PPOX: variants seen among roughly 807,000 people sequenced by gnomAD.
The protein encoded by PPOX is protoporphyrinogen oxidase.
In PPOX, 23 loss-of-function variants were observed where a neutral mutation model predicts 54.1. That is an observed-to-expected ratio of 0.43 (90% CI 0.31 to 0.60). The LOEUF (loss-of-function observed/expected upper bound fraction) is 0.60, where lower values mean the gene tolerates loss of function less well. PPOX is among the 20% of genes least tolerant of loss of function. The probability of loss-of-function intolerance (pLI) is 0.13; values close to 1 mark genes in which losing one functional copy is unlikely to be tolerated. For synonymous variants in PPOX, 224 were observed against 236.1 expected (o/e 0.95, Z 0.47); for missense variants, 512 against 601.1 (o/e 0.85, Z 1.55).
downstream of PPOX, chr1:161,173,915 C>A: frequency 6.2e-7 from 1 of 1,614,196 alleles, no homozygotes; most frequent in Non-Finnish European, 8.5e-7. Context: ...GGGGGTCACA[C>A]ACATACAGAT....
chr1:161,176,340 C>T, intron 4 of PPOX: 1 of 538,502 alleles, frequency 1.9e-6, no homozygotes, highest in Non-Finnish European at 3.3e-6. Context: ...TCCTCACCCC[C>T]AAAAATGTTT....
chr1:161,177,073 C>T (rs566229605), downstream of PPOX: 26 of 1,535,412 alleles, frequency 1.7e-5, 1 homozygote, highest in South Asian at 2.6e-4. Context: ...CTACCTTTCC[C>T]CTCTTCTAGC....
Position 161,168,146 on chromosome 1 carries a change from C to T in PPOX, c.471+19C>T. 6.2e-7 allele frequency: 1 copy of T among 1,614,152 alleles called. No individual in the cohort carries two copies. The highest frequency in any genetic ancestry group is 8.5e-7 in the Non-Finnish European group (1 of 1,180,028). ...ACCTGAGGTGACACTTGCCCAGAGG[C>T]CCCAAACCTCTTCCCTCCTAAACCA... On this transcript the variant is annotated intron_variant, in intron 5 of 12. Transcript: ENST00000367999.
rs41270027 is a variant in PPOX at position 161,169,157 on chromosome 1, A to C, written c.781A>C (p.Ser261Arg). 170 of 1,614,130 alleles carry C rather than the reference A, an allele frequency of 1.1e-4. 3 individuals carry two copies. Among genetic ancestry groups the C allele is most frequent in the South Asian group, 5.8e-4 (53 of 91,090 alleles). The change falls in exon 7 of 13, where the codon AGC becomes CGC. Residue 261 changes from serine (S) to arginine (R), a missense_variant. By Grantham distance (110) the Ser-to-Arg change is moderately radical (BLOSUM62 -1). Transcript: ENST00000367999. ...VLRGQPVCGLSLQAEGRWKVS... is the reference protein window; with the variant it reads ...VLRGQPVCGLRLQAEGRWKVS... ...CAGAGGCCAGCCGGTCTGTGGGCTC[A>C]GCCTCCAGGCAGAAGGGCGCTGGAA...
At position 161,168,554 on chromosome 1, in the gene PPOX, A is replaced by C. The variant is rs1486467781; in HGVS notation, c.594A>C (p.Leu198Phe). The change falls in exon 6 of 13, where the codon TTA becomes TTC. Residue 198 changes from leucine to phenylalanine, a missense_variant. By Grantham distance (22) the Leu-to-Phe change is conservative. Transcript: ENST00000367999. ...FQAEQTHRSI[L>F]LGLLLGAGRT... ...CTGAGCAAACCCATCGTTCCATATT[A>C]CTGGGCCTGCTGCTGGGGGCAGGTG... is the stretch of plus-strand genomic sequence containing the variant. 8.1e-6 allele frequency: 13 copies of C among 1,613,906 alleles called. No homozygotes were observed. Among genetic ancestry groups the C allele is most frequent in the Non-Finnish European group, 1.1e-5 (13 of 1,180,008 alleles).
In PPOX at chr1:161,166,907, C is replaced by A; in HGVS notation, c.60C>A (p.His20Gln). The A allele has an allele frequency of 1.2e-6, 2 of 1,613,918 alleles. No homozygotes were observed. The highest frequency in any genetic ancestry group is 1.7e-6 in the Non-Finnish European group (2 of 1,180,032). ...GGISGLAASY[H>Q]LSRAPCPPKV... ...TCAGCGGCTTGGCCGCCAGTTACCACCTGAGCCGGGCCCCCTGCCCCCCTA... is the reference window on the plus strand; with the variant it reads ...TCAGCGGCTTGGCCGCCAGTTACCAACTGAGCCGGGCCCCCTGCCCCCCTA... Residue 20 changes from histidine (H) to glutamine (Q), a missense_variant, in exon 2 of 13, where the codon CAC becomes CAA. By Grantham distance (24) the His-to-Gln change is conservative. Coordinates refer to ENST00000367999, the MANE Select transcript of PPOX (RefSeq NM_001122764.3).
downstream of PPOX, chr1:161,171,737 G>A (rs1661499640): frequency 4.5e-6 from 7 of 1,547,634 alleles, no homozygotes; most frequent in South Asian, 7.1e-5. Context: ...ATCCCTCTGA[G>A]AACAGTGAGG....
intron 4 of PPOX, 112 bp downstream of exon 4, chr1:161,167,598 G>T (rs1391914506): frequency 7.8e-7 from 1 of 1,285,490 alleles, no homozygotes; most frequent in Admixed American, 3.1e-5. Context: ...ACGGAGTATC[G>T]CTCTCGCCCA....
chr1:161,169,618 A>G lies in PPOX; in HGVS notation c.808-42A>G, dbSNP rs1558032536. On this transcript the variant is annotated intron_variant, in intron 7 of 12. Coordinates refer to ENST00000367999, the MANE Select transcript of PPOX (RefSeq NM_001122764.3). ...CCAGAAGTCTCTTTTCACTCATCAAATTCTCATTTTCTGGGTCTCTCAAAT... is the reference window on the plus strand; with the variant it reads ...CCAGAAGTCTCTTTTCACTCATCAAGTTCTCATTTTCTGGGTCTCTCAAAT... 5 of 1,598,228 alleles carry G rather than the reference A, an allele frequency of 3.1e-6. No homozygotes were observed. In the East Asian group the frequency reaches 8.9e-5, roughly 29 times the overall value.
upstream of PPOX, chr1:161,166,336 T>G: frequency 9.6e-7 from 1 of 1,036,766 alleles, no homozygotes; most frequent in Non-Finnish European, 1.2e-6. Flanking sequence ...AGTTCAATGT[T>G]TTATTGGTGA....
chr1:161,176,854 G>T (rs777307454), exon 5 of PPOX: 1 of 1,535,752 alleles, frequency 6.5e-7, no homozygotes, highest in Non-Finnish European at 8.7e-7. Context: ...CCCAGACCAA[G>T]AACCAGTTGA....
At chr1:161,167,074 G>T (rs767487939) in intron 2 of PPOX, 26 bp from the exon 3 acceptor site, 8 of 1,614,142 alleles carry the variant, frequency 5.0e-6, no homozygotes, top group Non-Finnish European at 6.8e-6. Context: ...AGGCGGTGCT[G>T]CAGTGTCTCT....
chr1:161,166,549 A>G lies in PPOX; in HGVS notation c.-132A>G. The G allele has an allele frequency of 1.4e-6, 2 of 1,387,254 alleles. No homozygotes were observed. The highest frequency in any genetic ancestry group is 1.9e-6 in the Non-Finnish European group (2 of 1,069,106). 85.9% of individuals were successfully genotyped at this position (1,387,254 alleles called of 1,614,324 possible). A position where few individuals can be genotyped will look rare whatever the true frequency, so the allele number is the denominator to read the frequency against. ...ACTCAGGCGTACTGCCCGCCGCCCGAGCCCTGCGAGGGCCGATAGCGAGGG... is the reference window on the plus strand; with the variant it reads ...ACTCAGGCGTACTGCCCGCCGCCCGGGCCCTGCGAGGGCCGATAGCGAGGG... On this transcript the variant is annotated 5_prime_UTR_variant, in exon 1 of 13. Transcript: ENST00000367999.
rs145286580 is a variant in PPOX at position 161,169,696 on chromosome 1, G to A, written c.844G>A (p.Val282Ile). ...GGACAGCAGTCTGGAGGCTGACCAC[G>A]TTATTAGTGCCATTCCAGCTTCAGG... ...LRDSSLEADH[V>I]ISAIPASVLS... The change falls in exon 8 of 13, where the codon GTT becomes ATT. Residue 282 changes from valine (V) to isoleucine (I), a missense_variant. Physicochemically the swap from Val to Ile is conservative, Grantham distance 29 (BLOSUM62 3). Transcript: ENST00000367999. 230 of 1,614,182 alleles carry A rather than the reference G, an allele frequency of 1.4e-4. 1 individual carries two copies. The East Asian group carries it at 4.9e-3, about 34-fold the overall frequency.
chr1:161,170,217 C>T (rs1458470803), intron 9 of PPOX, 192 bp from the exon 10 acceptor site: 23 of 854,412 alleles, frequency 2.7e-5, no homozygotes, highest in Admixed American at 1.2e-4. Flanking sequence ...CTCAGCTACT[C>T]GGGAGGCTAA....
downstream of PPOX, chr1:161,171,376 G>A (rs1661375291): frequency 8.6e-6 from 8 of 932,458 alleles, no homozygotes; most frequent in Non-Finnish European, 1.3e-5. Context: ...GACCAGAAGA[G>A]GGAGCTATTC....
downstream of PPOX, chr1:161,173,718 G>A (rs780715975): frequency 1.9e-6 from 3 of 1,614,154 alleles, no homozygotes; most frequent in South Asian, 3.3e-5. Context: ...AGTACTGGGG[G>A]TACGGGAGGC....
In PPOX at chr1:161,170,604, T is replaced by A; in HGVS notation, c.1099-16T>A. On this transcript the variant is annotated splice_polypyrimidine_tract_variant and intron_variant, in intron 10 of 12. Transcript: ENST00000367999. ...TAGGCAAGGCCAGACTGATCAGTGCTATATTCCCTCCTTAGGTGATGCTGG... is the reference window on the plus strand; with the variant it reads ...TAGGCAAGGCCAGACTGATCAGTGCAATATTCCCTCCTTAGGTGATGCTGG... The A allele has an allele frequency of 6.2e-7, 1 of 1,614,216 alleles. No homozygotes were observed. Among genetic ancestry groups the A allele is most frequent in the Non-Finnish European group, 8.5e-7 (1 of 1,180,048 alleles).
chr1:161,166,835 C>G lies in PPOX; in HGVS notation c.-8-5C>G, dbSNP rs951892921. 1.9e-6 allele frequency: 3 copies of G among 1,612,780 alleles called. No homozygotes were observed. Among genetic ancestry groups the G allele is most frequent in the Non-Finnish European group, 2.5e-6 (3 of 1,180,038 alleles). ...TGCCTGTCCATATCGCCCCCTTTCC[C>G]CCAGGTTTCCGCATGGGCCGGACCG... On this transcript the variant is annotated splice_polypyrimidine_tract_variant and splice_region_variant and intron_variant, in intron 1 of 12. Transcript: ENST00000367999.
Sources: gnomAD v4.1 joint callset for allele counts on GRCh38, gnomAD v4.1.1 for gene constraint, MANE v1.5 for transcripts, NCBI Gene and HGNC (gene_info 2026-07-23, HGNC 2026-07-21) for gene names.